CNTN5: variants seen among roughly 807,000 people sequenced by gnomAD.
The protein encoded by CNTN5 is contactin 5, also known as contactin-5.
CNTN5 carries 77 observed loss-of-function variants against 129.1 expected under a neutral mutation model. That is an observed-to-expected ratio of 0.60 (90% CI 0.50 to 0.72). The LOEUF is 0.72. Ranked by LOEUF, CNTN5 falls within the 30% of genes least tolerant of loss-of-function variation. The pLI is 0.00. For synonymous variants in CNTN5, 509 were observed against 465.6 expected, an observed-to-expected ratio of 1.09 and a Z score of -1.20; for missense variants, 1,478 against 1,328.8, an observed-to-expected ratio of 1.11 and a Z score of -1.75.
chr11:100,170,945 C>G (rs1284718161), intron 13 of CNTN5, among the ~76,000 whole-genome samples: 1 of 151,424 alleles, frequency 6.6e-6, no homozygotes, highest in Non-Finnish European at 1.5e-5. Context: ...TGCTAGAAAT[C>G]TTGCCCACAC....
chr11:99,646,341 T>C (rs7358381), intron 3 of CNTN5, among the ~76,000 whole-genome samples: 30,392 of 152,180 alleles, frequency 0.2, 3,087 homozygotes, highest in South Asian at 0.29. Context: ...CCTTTTTTGC[T>C]ATAAGTCAAA....
At chr11:99,249,055 G>C (rs1018112115) in intron 1 of CNTN5, among the ~76,000 whole-genome samples, 2 of 152,098 alleles carry the variant, frequency 1.3e-5, no homozygotes, top group East Asian at 1.9e-4. Flanking sequence ...ATTACCTTGG[G>C]CAGTATGGCC....
At chr11:100,167,754 AAGAT>A (rs1337499472) in intron 13 of CNTN5, among the ~76,000 whole-genome samples, 1 of 151,922 alleles carries the variant, frequency 6.6e-6, no homozygotes, top group East Asian at 1.9e-4. Context: ...AGCTAGCCAA[AAGAT>A]AGATGGCAGT....
chr11:99,241,855 G>T (rs560469473), intron 1 of CNTN5, among the ~76,000 whole-genome samples: 17 of 152,162 alleles, frequency 1.1e-4, no homozygotes, highest in Admixed American at 9.2e-4. Flanking sequence ...AGTTAAATTT[G>T]CTTTGTTGTT....
chr11:99,173,786 G>A (rs1857641729), intron 1 of CNTN5, among the ~76,000 whole-genome samples: 1 of 152,008 alleles, frequency 6.6e-6, no homozygotes, highest in Non-Finnish European at 1.5e-5. Context: ...AGACTACTTC[G>A]CTATTTGAAT....
At chr11:99,577,592 A>G (rs146904655) in intron 3 of CNTN5, among the ~76,000 whole-genome samples, 13 of 152,272 alleles carry the variant, frequency 8.5e-5, no homozygotes, top group Non-Finnish European at 7.3e-5. Context: ...TGTGTGACAG[A>G]TGATTATTTT....
intron 4 of CNTN5, among the ~76,000 whole-genome samples, chr11:99,836,125 T>G (rs922441888): frequency 2.3e-4 from 29 of 126,052 alleles, no homozygotes; most frequent in African/African-American, 8.6e-4. Flanking sequence ...CCTCCCCTTG[T>G]TTTTTTTTTT....
At chr11:99,591,620 G>A (rs1429327504) in intron 3 of CNTN5, among the ~76,000 whole-genome samples, 4 of 152,114 alleles carry the variant, frequency 2.6e-5, no homozygotes, top group African/African-American at 9.7e-5. Context: ...TTACAGGCGT[G>A]AGCCACCACG....
At position 99,258,756 on chromosome 11, in the gene CNTN5, G is replaced by T. The variant is rs117274870; in HGVS notation, c.-209-66590G>T. Among the ~76,000 whole-genome samples the T allele has an allele frequency of 1.8e-3, 266 of 151,884 alleles. 2 individuals are homozygous for T. In the East Asian group the frequency reaches 0.043, roughly 25 times the overall value. ...TAGTTGGGGTTACAAAAATAAAAAA[G>T]AAAATTATTAGGGGTTGAATGTAAA... On this transcript the variant is annotated intron_variant, in intron 1 of 24. Transcript: ENST00000524871.
intron 1 of CNTN5, among the ~76,000 whole-genome samples, chr11:99,129,675 G>A (rs538424247): frequency 1.3e-5 from 2 of 152,156 alleles, no homozygotes; most frequent in South Asian, 2.1e-4. Flanking sequence ...ATTCTCCAAG[G>A]TCAAAATACA....
At chr11:100,319,625 TATTA>T (rs1951645031) in intron 21 of CNTN5, among the ~76,000 whole-genome samples, 1 of 152,234 alleles carries the variant, frequency 6.6e-6, no homozygotes, top group African/African-American at 2.4e-5. Context: ...GAATGCAATA[TATTA>T]ATTAGAGTCA....
intron 1 of CNTN5, among the ~76,000 whole-genome samples, chr11:99,126,197 C>T (rs942432669): frequency 3.9e-5 from 6 of 152,128 alleles, no homozygotes; most frequent in Admixed American, 1.3e-4. Context: ...GCTCAATAAC[C>T]GAATGATCTT....
chr11:100,118,395 G>A (rs562858003), intron 13 of CNTN5, among the ~76,000 whole-genome samples: 2 of 151,892 alleles, frequency 1.3e-5, no homozygotes, highest in African/African-American at 4.8e-5. Context: ...TTACACTATA[G>A]TTTCTTTTAA....
At chr11:99,599,153 T>A in intron 3 of CNTN5, among the ~76,000 whole-genome samples, 1 of 152,050 alleles carries the variant, frequency 6.6e-6, no homozygotes, top group Admixed American at 6.6e-5. Context: ...AAAAACTACC[T>A]GTAAATCTCA....
At chr11:99,651,938 G>A (rs1330739620) in intron 3 of CNTN5, among the ~76,000 whole-genome samples, 1 of 152,000 alleles carries the variant, frequency 6.6e-6, no homozygotes. Flanking sequence ...GAAATTTACT[G>A]ACTACATTAG....
intron 3 of CNTN5, among the ~76,000 whole-genome samples, chr11:99,611,171 C>G (rs1950582199): frequency 6.6e-6 from 1 of 152,150 alleles, no homozygotes; most frequent in Non-Finnish European, 1.5e-5. Flanking sequence ...CTTCATACAT[C>G]AAAAAGTTTA....
intron 2 of CNTN5, among the ~76,000 whole-genome samples, chr11:99,421,547 A>G (rs1942889103): frequency 6.6e-6 from 1 of 152,184 alleles, no homozygotes; most frequent in Non-Finnish European, 1.5e-5. Flanking sequence ...GCACCTTTGG[A>G]TTTTTAATGG....
At chr11:99,910,739 G>A (rs1591404893) in intron 6 of CNTN5, among the ~76,000 whole-genome samples, 2 of 152,076 alleles carry the variant, frequency 1.3e-5, no homozygotes, top group African/African-American at 2.4e-5. Context: ...AGTAGCTAGT[G>A]TAACTATTTT....
intron 18 of CNTN5, among the ~76,000 whole-genome samples, chr11:100,293,069 G>C (rs1378855398): frequency 6.6e-6 from 1 of 151,768 alleles, no homozygotes; most frequent in Non-Finnish European, 1.5e-5. Context: ...GTTTTATCTG[G>C]GGGTATGTGA....
Sources: allele counts gnomAD v4.1 joint callset (sites outside exome capture counted in the v4.1 genomes callset), GRCh38; gene constraint gnomAD v4.1.1; transcripts MANE v1.5; gene names NCBI Gene and HGNC (gene_info 2026-07-23, HGNC 2026-07-21).